The following PARP4 variants were observed in gnomAD, a reference collection of about 807,000 sequenced individuals.
PARP4 encodes the protein poly(ADP-ribose) polymerase family member 4.
PARP4 carries 120 observed loss-of-function variants against 187.7 expected under a neutral mutation model. The observed-to-expected ratio is 0.64, with a 90% CI of 0.55 to 0.74. PARP4 has a LOEUF of 0.74. PARP4 is among the 30% of genes least tolerant of loss of function. The pLI is 0.00. For synonymous variants in PARP4, 654 were observed against 740.9 expected, an observed-to-expected ratio of 0.88 and a Z score of 1.90; for missense variants, 1,836 against 2,070.5, an observed-to-expected ratio of 0.89 and a Z score of 2.20.
rs146769664 is a variant in PARP4 at position 24,430,881 on chromosome 13, G to A, written c.4846+496C>T. ...TTAACAGTACATTTCTCAGGCCTTCGTACATGGATGGGGCTATGTGACTAG... is the reference window on the plus strand; with the variant it reads ...TTAACAGTACATTTCTCAGGCCTTCATACATGGATGGGGCTATGTGACTAG... On this transcript the variant is annotated intron_variant, in intron 32 of 33. Coordinates refer to ENST00000381989, the MANE Select transcript of PARP4 (RefSeq NM_006437.4). 3.4e-3 allele frequency among the ~76,000 whole-genome samples: 524 copies of A among 152,304 alleles called. 5 individuals carry two copies. The highest frequency in any genetic ancestry group is 0.017 in the East Asian group (90 of 5,180).
chr13:24,490,750 A>G lies in PARP4; in HGVS notation c.1132T>C (p.Leu378=). The change falls in exon 10 of 34, where the codon TTG becomes CTG. Residue 378 remains leucine (L), a synonymous_variant. Transcript: ENST00000381989. ...TCAACATGCTCAATTTTGCACCTCA[A>G]AGCTCGGTATTTGGCCAGGGATGGT... The part of the protein sequence containing the change: ...NPPSLAKYRA[L]RCKIEHVEQN... 6.2e-7 allele frequency: 1 copy of G among 1,614,128 alleles called. No individual in the cohort carries two copies. The highest frequency in any genetic ancestry group is 2.2e-5 in the East Asian group (1 of 44,882).
Position 24,477,885 on chromosome 13 carries a change from T to C in PARP4, c.1633-28A>G, listed in dbSNP as rs532637602. The C allele has an allele frequency of 4.0e-6, 6 of 1,511,478 alleles. No individual in the cohort carries two copies. In the African/African-American group the frequency reaches 5.6e-5, roughly 14 times the overall value. 93.6% of individuals were successfully genotyped at this position (1,511,478 alleles called of 1,614,324 possible). Reference sequence around the variant, plus strand: ...AGAGCAAACAGAAATCAGTAGGTGATTAACAACAGAAGCAACAAAAAACCT... The same window carrying C: ...AGAGCAAACAGAAATCAGTAGGTGACTAACAACAGAAGCAACAAAAAACCT... On this transcript the variant is annotated intron_variant, in intron 13 of 33. Transcript: ENST00000381989.
In PARP4 at chr13:24,475,484, G is replaced by A; in HGVS notation, c.1902C>T (p.Asp634=). 6.2e-7 allele frequency: 1 copy of A among 1,613,986 alleles called. No individual in the cohort carries two copies. Among genetic ancestry groups the A allele is most frequent in the Non-Finnish European group, 8.5e-7 (1 of 1,179,820 alleles). Residue 634 remains aspartate (D), a synonymous_variant, in exon 15 of 34, where the codon GAC becomes GAT. Coordinates refer to ENST00000381989, the MANE Select transcript of PARP4 (RefSeq NM_006437.4). ...ACAGACAACATACCTGGGCTACAGT[G>A]TCTATGATTCTCCCTTTGATGTGGA... ...EDVHIKGRII[D]TVAQVIVFQT...
At chr13:24,458,328 C>T (rs1871996958) in intron 20 of PARP4, among the ~76,000 whole-genome samples, 1 of 152,002 alleles carries the variant, frequency 6.6e-6, no homozygotes, top group Non-Finnish European at 1.5e-5. Flanking sequence ...CCAGGATGGT[C>T]TCGATCTCCT....
chr13:24,507,726 C>A (rs1295232991), intron 1 of PARP4, among the ~76,000 whole-genome samples: 1 of 152,210 alleles, frequency 6.6e-6, no homozygotes, highest in Non-Finnish European at 1.5e-5. Context: ...AATTACATTT[C>A]AAATAAAATA....
intron 17 of PARP4, among the ~76,000 whole-genome samples, chr13:24,461,354 A>C (rs960982577): frequency 6.6e-6 from 1 of 152,234 alleles, no homozygotes; most frequent in Non-Finnish European, 1.5e-5. Flanking sequence ...GCCACTTAAT[A>C]GAGTGGGATT....
chr13:24,493,877 T>G, intron 7 of PARP4, 144 bp from the exon 8 acceptor site: 1 of 723,046 alleles, frequency 1.4e-6, no homozygotes. Context: ...AACTAAATCC[T>G]TTCTCTACTA....
chr13:24,454,389 G>A (rs1258746876), intron 22 of PARP4, among the ~76,000 whole-genome samples: 1 of 152,216 alleles, frequency 6.6e-6, no homozygotes, highest in Non-Finnish European at 1.5e-5. Context: ...CACAGAGGAT[G>A]AGAATCAATA....
chr13:24,458,841 C>CA (rs1177285765), intron 20 of PARP4, among the ~76,000 whole-genome samples: 2 of 152,068 alleles, frequency 1.3e-5, no homozygotes, highest in African/African-American at 4.8e-5. Flanking sequence ...AAATTGGAGG[C>CA]AAAATCAAAG....
At chr13:24,460,367 C>G (rs1192266529) in intron 17 of PARP4, among the ~76,000 whole-genome samples, 2 of 152,188 alleles carry the variant, frequency 1.3e-5, no homozygotes, top group Non-Finnish European at 2.9e-5. Flanking sequence ...GAGGGGCCCC[C>G]TTGGCAGCGG....
chr13:24,458,330 C>T (rs1015467856), intron 20 of PARP4, among the ~76,000 whole-genome samples: 2 of 151,896 alleles, frequency 1.3e-5, no homozygotes, highest in African/African-American at 4.8e-5. Context: ...AGGATGGTCT[C>T]GATCTCCTGA....
At chr13:24,464,253 T>A (rs1872345677) in intron 17 of PARP4, among the ~76,000 whole-genome samples, 1 of 152,136 alleles carries the variant, frequency 6.6e-6, no homozygotes, top group East Asian at 1.9e-4. Context: ...ATGCTACTCC[T>A]ATTAAACTAC....
chr13:24,448,581 A>C lies in PARP4; in HGVS notation c.3114+1137T>G, dbSNP rs61947052. Among the ~76,000 whole-genome samples the C allele has an allele frequency of 8.5e-5, 13 of 152,294 alleles. No homozygotes were observed. The South Asian group carries it at 2.7e-3, about 32-fold the overall frequency. On this transcript the variant is annotated intron_variant, in intron 25 of 33. Coordinates refer to ENST00000381989, the MANE Select transcript of PARP4 (RefSeq NM_006437.4). ...CAGCATGGCAATTCCCAAAAAAACT[A>C]AACATAAAATGAGCATATGATCCAG...
intron 22 of PARP4, among the ~76,000 whole-genome samples, chr13:24,454,796 GA>G (rs1412465285): frequency 6.6e-6 from 1 of 152,200 alleles, no homozygotes; most frequent in African/African-American, 2.4e-5. Context: ...GGAGGCACCA[GA>G]AGTTCAAGTA....
chr13:24,488,015 A>C (rs1291310803), intron 10 of PARP4, among the ~76,000 whole-genome samples: 1 of 152,236 alleles, frequency 6.6e-6, no homozygotes, highest in Non-Finnish European at 1.5e-5. Context: ...ATATAAAGAA[A>C]TCATGATTAG....
rs539931892 is a variant in PARP4 at position 24,499,774 on chromosome 13, G to T, written c.402-398C>A. ...ACAGTCCATTCCTCTCTAAAATAAAGGAGTCAGACTTCTCATAATCTGTAC... is the reference window on the plus strand; with the variant it reads ...ACAGTCCATTCCTCTCTAAAATAAATGAGTCAGACTTCTCATAATCTGTAC... On this transcript the variant is annotated intron_variant, in intron 4 of 33. Transcript: ENST00000381989. 2.6e-5 allele frequency among the ~76,000 whole-genome samples: 4 copies of T among 152,250 alleles called. No individual in the cohort carries two copies. The East Asian group carries it at 7.7e-4, about 29-fold the overall frequency.
intron 24 of PARP4, among the ~76,000 whole-genome samples, chr13:24,451,357 G>C (rs1252955311): frequency 6.6e-6 from 1 of 152,228 alleles, no homozygotes; most frequent in Non-Finnish European, 1.5e-5. Context: ...TGCTGGGCTA[G>C]GCCTTAGATT....
At chr13:24,433,611 G>C (rs1266477326) in intron 31 of PARP4, among the ~76,000 whole-genome samples, 1 of 152,150 alleles carries the variant, frequency 6.6e-6, no homozygotes, top group East Asian at 1.9e-4. Flanking sequence ...CAGGCTTTTG[G>C]GTGCACTGTC....
At chr13:24,506,452 T>G (rs549589377) in intron 1 of PARP4, among the ~76,000 whole-genome samples, 24 of 152,202 alleles carry the variant, frequency 1.6e-4, no homozygotes, top group Admixed American at 1.4e-3. Context: ...TTCCCTTATG[T>G]GGCCCCACCC....
Sources: allele counts gnomAD v4.1 joint callset (sites outside exome capture counted in the v4.1 genomes callset), GRCh38; gene constraint gnomAD v4.1.1; transcripts MANE v1.5; gene names NCBI Gene and HGNC (gene_info 2026-07-23, HGNC 2026-07-21).